OGN: variants seen among roughly 807,000 people sequenced by gnomAD.
The protein encoded by OGN is mimecan.
A neutral mutation model predicts 30.8 loss-of-function variants in OGN; 19 were observed. That is an observed-to-expected ratio of 0.62 (90% CI 0.43 to 0.90). The LOEUF is 0.90. Ranked by LOEUF, OGN falls within the 40% of genes least tolerant of loss-of-function variation. The pLI, the probability that OGN is intolerant of heterozygous loss-of-function variation, is 0.00. For synonymous variants in OGN, 126 were observed against 128.3 expected (o/e 0.98, Z 0.12); for missense variants, 283 against 349.7 (o/e 0.81, Z 1.52).
chr9:92,401,214 A>G (rs1176395154), intron 2 of OGN, 29 bp from the exon 3 acceptor site: 8 of 942,470 alleles, frequency 8.5e-6, no homozygotes, highest in Non-Finnish European at 1.4e-5. Context: ...TTTGTTACCT[A>G]GCTTCATTAA....
chr9:92,403,248 C>T lies in OGN; in HGVS notation c.160G>A (p.Gly54Arg). 1 of 1,570,408 alleles carries T rather than the reference C, an allele frequency of 6.4e-7. No homozygotes were observed. The highest frequency in any genetic ancestry group is 1.2e-5 in the South Asian group (1 of 86,274). ...AAATAAAGTACCTTAATATTTTTTC[C>T]ATCCAGGTATTTATCCTCATAATCT... ...SQDYEDKYLD[G>R]KNIKEKETVI... The change falls in exon 2 of 7, where the codon GGA becomes AGA. Residue 54 changes from glycine (G) to arginine (R), a missense_variant. Transcript: ENST00000375561.
chr9:92,387,002 C>T (rs1003347292), intron 5 of OGN, among the ~76,000 whole-genome samples: 31 of 145,584 alleles, frequency 2.1e-4, no homozygotes, highest in African/African-American at 7.7e-4. Flanking sequence ...GAGCTGAGAT[C>T]GCACCACTGT....
In OGN at chr9:92,389,980, C is replaced by G; in HGVS notation, c.504G>C (p.Leu168=). The stretch of plus-strand genomic sequence containing the variant: ...TTTCAGCAAGTGAAAGTTCTTCTAA[C>G]AGAGAAAGTTTTGAAAAAGTACCAT... ...IEDGTFSKLS[L]LEELSLAENQ... Residue 168 remains leucine, a synonymous_variant, in exon 5 of 7, where the codon CTG becomes CTC. Transcript: ENST00000375561. The G allele has an allele frequency of 6.2e-7, 1 of 1,610,912 alleles. No homozygotes were observed. Among genetic ancestry groups the G allele is most frequent in the Non-Finnish European group, 8.5e-7 (1 of 1,177,394 alleles).
At chr9:92,387,300 C>T (rs1263970866) in intron 5 of OGN, among the ~76,000 whole-genome samples, 5 of 151,456 alleles carry the variant, frequency 3.3e-5, no homozygotes, top group Non-Finnish European at 7.4e-5. Flanking sequence ...TGCTTGAACC[C>T]AGGGGGTGGA....
At chr9:92,399,071 C>T (rs1012473121) in intron 3 of OGN, among the ~76,000 whole-genome samples, 2 of 151,188 alleles carry the variant, frequency 1.3e-5, no homozygotes, top group African/African-American at 2.4e-5. Context: ...AAAAAAAAAT[C>T]CTCAAAGTTG....
Position 92,385,398 on chromosome 9 carries a change from G to T in OGN, c.*222C>A. The T allele has an allele frequency of 2.2e-6, 1 of 449,052 alleles. No homozygotes were observed. Among genetic ancestry groups the T allele is most frequent in the Non-Finnish European group, 3.9e-6 (1 of 254,896 alleles). 27.8% of individuals were successfully genotyped at this position (449,052 alleles called of 1,614,324 possible). On this transcript the variant is annotated 3_prime_UTR_variant, in exon 7 of 7. Transcript: ENST00000375561. ...CTAGTATAAACTAGGATTTTGTAAT[G>T]CTGTTTAAATATTTTCATATTACTT...
chr9:92,388,831 CAAAA>C (rs533649013), intron 5 of OGN, among the ~76,000 whole-genome samples: 2 of 83,578 alleles, frequency 2.4e-5, no homozygotes, highest in African/African-American at 4.2e-5. Context: ...GACTCCATCT[CAAAA>C]AAAAAAAAAA....
chr9:92,393,197 A>T lies in OGN; in HGVS notation c.316T>A (p.Cys106Ser). 6.2e-7 allele frequency: 1 copy of T among 1,613,686 alleles called. No homozygotes were observed. The highest frequency in any genetic ancestry group is 1.1e-5 in the South Asian group (1 of 90,986). ...ACAGCATCAATGTCAACTTCTTCAC[A>T]GTATACAGAGCCACTTAAACAAACA... ...LCVCLSGSVY[C>S]EEVDIDAVPP... The change falls in exon 4 of 7, where the codon TGT becomes AGT. Residue 106 changes from cysteine to serine, a missense_variant. Transcript: ENST00000375561.
rs79080591 is a variant in OGN at position 92,392,322 on chromosome 9, G to C, written c.427+764C>G. Among the ~76,000 whole-genome samples, 335 of 152,208 alleles carry C rather than the reference G, an allele frequency of 2.2e-3. 4 individuals carry two copies. In the East Asian group the frequency reaches 0.04, roughly 18 times the overall value. Reference sequence around the variant, plus strand: ...CCCTGGGAAGTAGGACCTAGTATCAGTATTTAAAAAATACTTCCCTGCCGG... The same window carrying C: ...CCCTGGGAAGTAGGACCTAGTATCACTATTTAAAAAATACTTCCCTGCCGG... On this transcript the variant is annotated intron_variant, in intron 4 of 6. Transcript: ENST00000375561.
At chr9:92,394,310 T>C (rs931902199) in intron 3 of OGN, among the ~76,000 whole-genome samples, 1 of 152,110 alleles carries the variant, frequency 6.6e-6, no homozygotes, top group African/African-American at 2.4e-5. Flanking sequence ...TGGTGTGATC[T>C]TGGCTCATTG....
intron 3 of OGN, among the ~76,000 whole-genome samples, chr9:92,399,054 C>CAA (rs113748385): frequency 2.7e-5 from 3 of 109,588 alleles, no homozygotes; most frequent in Admixed American, 9.5e-5. Context: ...GACTCTGTCT[C>CAA]AAAAAAAAAA....
intron 5 of OGN, among the ~76,000 whole-genome samples, chr9:92,388,315 C>T (rs143157823): frequency 6.6e-6 from 1 of 151,900 alleles, no homozygotes; most frequent in Non-Finnish European, 1.5e-5. Context: ...GCGCCCACCA[C>T]CACGCCTAGC....
intron 4 of OGN, among the ~76,000 whole-genome samples, chr9:92,390,563 A>AGTGT (rs61628295): frequency 0.034 from 5,048 of 150,518 alleles, 115 homozygotes; most frequent in African/African-American, 0.064. Flanking sequence ...AGAGAAATTC[A>AGTGT]GTGTGTGTGT....
At position 92,385,045 on chromosome 9, in the gene OGN, T is replaced by G. The variant is rs1349710047; in HGVS notation, c.*575A>C. On this transcript the variant is annotated 3_prime_UTR_variant, in exon 7 of 7. Transcript: ENST00000375561. ...AATAACATTTATTTTATTTGGAAAG[T>G]TTTCCTAAATATGAGACTATCTGCT... is the stretch of plus-strand genomic sequence containing the variant. 2 of 152,596 alleles carry G rather than the reference T, an allele frequency of 1.3e-5. No individual in the cohort carries two copies. The highest frequency in any genetic ancestry group is 2.9e-5 in the Non-Finnish European group (2 of 68,020). The allele number at this position is 152,596 out of a possible 1,614,324, so 9.5% of individuals were successfully genotyped here.
chr9:92,402,940 T>C (rs1843177591), intron 2 of OGN, among the ~76,000 whole-genome samples: 1 of 152,222 alleles, frequency 6.6e-6, no homozygotes, highest in African/African-American at 2.4e-5. Flanking sequence ...TGTGTAACAT[T>C]ACTTAATATA....
At chr9:92,388,547 C>CA (rs111602359) in intron 5 of OGN, among the ~76,000 whole-genome samples, 3,940 of 138,388 alleles carry the variant, frequency 0.028, 148 homozygotes, top group African/African-American at 0.091. Context: ...AACTTTAAAA[C>CA]AAAAAAAAAA....
At chr9:92,394,430 T>C (rs1182530174) in intron 3 of OGN, among the ~76,000 whole-genome samples, 2 of 151,064 alleles carry the variant, frequency 1.3e-5, no homozygotes, top group Non-Finnish European at 2.9e-5. Flanking sequence ...TTTTTGAATT[T>C]TTAGTATAGA....
intron 2 of OGN, among the ~76,000 whole-genome samples, chr9:92,402,055 A>G (rs1297963222): frequency 3.9e-5 from 6 of 152,140 alleles, no homozygotes; most frequent in Non-Finnish European, 7.3e-5. Context: ...TTATATTAAG[A>G]TAGAGAAACT....
chr9:92,387,272 T>C (rs1434794070), intron 5 of OGN, among the ~76,000 whole-genome samples: 2 of 150,002 alleles, frequency 1.3e-5, no homozygotes. Flanking sequence ...CTAGGGAGCC[T>C]GAGTGAGGCA....
Sources: allele counts gnomAD v4.1 joint callset (sites outside exome capture counted in the v4.1 genomes callset), GRCh38; gene constraint gnomAD v4.1.1; transcripts MANE v1.5; gene names NCBI Gene and HGNC (gene_info 2026-07-23, HGNC 2026-07-21).